The following CPQ variants were observed in gnomAD, a reference collection of about 807,000 sequenced individuals.
CPQ encodes carboxypeptidase Q.
CPQ carries 37 observed loss-of-function variants against 45.7 expected under a neutral mutation model. The ratio of observed to expected loss-of-function variants is 0.81; its 90% CI spans 0.62 to 1.07. The LOEUF (loss-of-function observed/expected upper bound fraction) is 1.07. Ranked by LOEUF, CPQ falls within the 50% of genes least tolerant of loss-of-function variation. The probability of loss-of-function intolerance (pLI) is 0.00; values close to 1 mark genes in which losing one functional copy is unlikely to be tolerated. For missense variants in CPQ, 537 were observed against 572.9 expected (o/e 0.94, Z 0.64); for synonymous variants, 186 against 205.8 (o/e 0.90, Z 0.82).
intron 1 of CPQ, among the ~76,000 whole-genome samples, chr8:96,740,442 A>G (rs1006599229): frequency 6.6e-6 from 1 of 151,864 alleles, no homozygotes; most frequent in Non-Finnish European, 1.5e-5. Context: ...TTCCTAATTG[A>G]ATACCCTTTA....
chr8:96,801,772 C>T (rs1221447169), intron 2 of CPQ, among the ~76,000 whole-genome samples: 1 of 152,166 alleles, frequency 6.6e-6, no homozygotes, highest in Non-Finnish European at 1.5e-5. Flanking sequence ...ACACCCCATT[C>T]CATCTTAACA....
Position 96,813,854 on chromosome 8 carries a change from C to T in CPQ, c.434-21119C>T, listed in dbSNP as rs145838698. On this transcript the variant is annotated intron_variant, in intron 2 of 7. Coordinates refer to ENST00000220763, the MANE Select transcript of CPQ (RefSeq NM_016134.4). ...AGCCTATAGGCTTTTAATTTTGACA[C>T]CTGGGCAGGACAAGTTCTTTCAGTG... Among the ~76,000 whole-genome samples, 597 of 152,172 alleles carry T rather than the reference C, an allele frequency of 3.9e-3. 3 individuals are homozygous for T. The highest frequency in any genetic ancestry group is 0.014 in the African/African-American group (566 of 41,526).
chr8:97,142,639 G>A (rs1318561213), intron 7 of CPQ, among the ~76,000 whole-genome samples: 1 of 152,230 alleles, frequency 6.6e-6, no homozygotes, highest in Non-Finnish European at 1.5e-5. Flanking sequence ...GAAGAAGGCA[G>A]TGCAGAGCTT....
intron 6 of CPQ, among the ~76,000 whole-genome samples, chr8:97,045,584 C>T (rs543585806): frequency 6.6e-5 from 10 of 152,366 alleles, no homozygotes; most frequent in African/African-American, 2.4e-4. Flanking sequence ...CTGCGTCGCT[C>T]ATGCTGGGAG....
intron 4 of CPQ, among the ~76,000 whole-genome samples, chr8:96,930,719 A>C (rs763597215): frequency 3.9e-5 from 6 of 152,162 alleles, no homozygotes; most frequent in Admixed American, 2.0e-4. Flanking sequence ...CTGTCATTTG[A>C]ATGCCTGGGA....
intron 1 of CPQ, among the ~76,000 whole-genome samples, chr8:96,687,702 G>A (rs546728972): frequency 6.6e-6 from 1 of 151,856 alleles, no homozygotes; most frequent in South Asian, 2.1e-4. Context: ...TTATTTCCCA[G>A]ATATCCTATA....
At chr8:96,708,982 AT>A (rs1809571608) in intron 1 of CPQ, among the ~76,000 whole-genome samples, 1 of 152,016 alleles carries the variant, frequency 6.6e-6, no homozygotes. Flanking sequence ...TTAGAATTTA[AT>A]TTTTTTATAG....
At chr8:96,730,421 TAAA>T (rs1809894558) in intron 1 of CPQ, among the ~76,000 whole-genome samples, 1 of 152,076 alleles carries the variant, frequency 6.6e-6, no homozygotes. Context: ...ATATTTGGGA[TAAA>T]CAACTGCAGA....
chr8:96,861,248 G>C (rs1241025236), intron 3 of CPQ, among the ~76,000 whole-genome samples: 1 of 152,124 alleles, frequency 6.6e-6, no homozygotes, highest in Admixed American at 6.6e-5. Context: ...CTAGTTCGGA[G>C]CAAAATTATA....
intron 1 of CPQ, among the ~76,000 whole-genome samples, chr8:96,748,952 A>G (rs181941538): frequency 5.3e-5 from 8 of 152,094 alleles, no homozygotes; most frequent in African/African-American, 9.7e-5. Context: ...TTTGTCACCA[A>G]TTGCAAAGCC....
chr8:96,834,903 C>A (rs1811506619), intron 2 of CPQ, 70 bp from the exon 3 acceptor site: 1 of 1,352,802 alleles, frequency 7.4e-7, no homozygotes, highest in Non-Finnish European at 1.0e-6. Flanking sequence ...ATGTATGTGA[C>A]CTTTCCTGTG....
intron 1 of CPQ, among the ~76,000 whole-genome samples, chr8:96,688,658 T>C (rs1381031161): frequency 2.0e-5 from 3 of 152,186 alleles, no homozygotes; most frequent in Admixed American, 2.0e-4. Flanking sequence ...CTACTCCTAC[T>C]GCAAAATTGA....
At chr8:97,014,406 T>C (rs1377894877) in intron 5 of CPQ, among the ~76,000 whole-genome samples, 4 of 151,956 alleles carry the variant, frequency 2.6e-5, no homozygotes, top group African/African-American at 9.7e-5. Flanking sequence ...ATCCCAGCAA[T>C]TTGGGAGGCC....
intron 4 of CPQ, among the ~76,000 whole-genome samples, chr8:96,914,646 T>C (rs1812708470): frequency 6.6e-6 from 1 of 152,146 alleles, no homozygotes; most frequent in South Asian, 2.1e-4. Context: ...TTTGTCATTT[T>C]GGGATGATTT....
At chr8:97,108,104 C>T (rs1392408658) in intron 7 of CPQ, among the ~76,000 whole-genome samples, 3 of 152,190 alleles carry the variant, frequency 2.0e-5, no homozygotes, top group Non-Finnish European at 4.4e-5. Context: ...CTTGCCAGTG[C>T]TGTTTCAGGT....
At chr8:97,079,915 A>G (rs1237852800) in intron 7 of CPQ, among the ~76,000 whole-genome samples, 1 of 152,126 alleles carries the variant, frequency 6.6e-6, no homozygotes, top group African/African-American at 2.4e-5. Context: ...CGTTGCCTGG[A>G]ATCTCAGTTG....
At chr8:96,807,270 C>T (rs1207472335) in intron 2 of CPQ, among the ~76,000 whole-genome samples, 1 of 152,012 alleles carries the variant, frequency 6.6e-6, no homozygotes, top group Non-Finnish European at 1.5e-5. Context: ...GAGTCTCGCT[C>T]TGTCTCCCAG....
chr8:96,980,043 G>A (rs990400485), intron 5 of CPQ, among the ~76,000 whole-genome samples: 2 of 152,000 alleles, frequency 1.3e-5, no homozygotes, highest in Admixed American at 1.3e-4. Context: ...AGTAGAATAA[G>A]CATGTGCTCT....
At chr8:96,853,004 A>G (rs1299471632) in intron 3 of CPQ, among the ~76,000 whole-genome samples, 1 of 152,220 alleles carries the variant, frequency 6.6e-6, no homozygotes, top group East Asian at 1.9e-4. Flanking sequence ...CTGTGGGCAC[A>G]TATTTGAAGA....
Sources: gnomAD v4.1 joint callset for allele counts (sites outside exome capture counted in the v4.1 genomes callset) on GRCh38, gnomAD v4.1.1 for gene constraint, MANE v1.5 for transcripts, NCBI Gene and HGNC (gene_info 2026-07-23, HGNC 2026-07-21) for gene names.